The following MCC variants were observed in gnomAD, a reference collection of about 807,000 sequenced individuals.
MCC encodes colorectal mutant cancer protein.
MCC carries 90 observed loss-of-function variants against 116.2 expected under a neutral mutation model. The ratio of observed to expected loss-of-function variants is 0.77; its 90% CI spans 0.65 to 0.92. MCC has a LOEUF of 0.92. Among genes scored for constraint, MCC ranks in the 40% least tolerant of loss-of-function variants. The pLI, the probability that MCC is intolerant of heterozygous loss-of-function variation, is 0.00. For missense variants in MCC, 1,516 were observed against 1,312.2 expected, an observed-to-expected ratio of 1.16 and a Z score of -2.40; for synonymous variants, 578 against 510.5, an observed-to-expected ratio of 1.13 and a Z score of -1.78.
chr5:113,188,729 T>C (rs1172262112), intron 3 of MCC, among the ~76,000 whole-genome samples: 1 of 152,178 alleles, frequency 6.6e-6, no homozygotes, highest in Non-Finnish European at 1.5e-5. Flanking sequence ...TGTTGATTCT[T>C]CTCATCTTAC....
chr5:113,482,531 G>C (rs1159725707), intron 1 of MCC, among the ~76,000 whole-genome samples: 1 of 152,128 alleles, frequency 6.6e-6, no homozygotes, highest in South Asian at 2.1e-4. Context: ...ATCTTTTCGT[G>C]TGCATATTGG....
chr5:113,094,423 CTTT>C (rs397798890), intron 8 of MCC, among the ~76,000 whole-genome samples: 7 of 134,722 alleles, frequency 5.2e-5, no homozygotes, highest in African/African-American at 8.2e-5. Flanking sequence ...GGCAATCTTC[CTTT>C]TTTTTTTTTT....
At chr5:113,027,844 T>G (rs1343094686) in intron 18 of MCC, among the ~76,000 whole-genome samples, 1 of 152,220 alleles carries the variant, frequency 6.6e-6, no homozygotes, top group African/African-American at 2.4e-5. Context: ...TGCAACATAG[T>G]CAAGTGTATC....
At chr5:113,483,562 C>A (rs973454102) in intron 1 of MCC, among the ~76,000 whole-genome samples, 1 of 151,924 alleles carries the variant, frequency 6.6e-6, no homozygotes, top group Non-Finnish European at 1.5e-5. Flanking sequence ...AAATTTTCAA[C>A]AACAAGAGTA....
At chr5:113,422,463 T>C (rs897814177) in intron 1 of MCC, among the ~76,000 whole-genome samples, 5 of 152,258 alleles carry the variant, frequency 3.3e-5, no homozygotes, top group Non-Finnish European at 7.3e-5. Context: ...CTTTATGATT[T>C]AGTTTTTAAC....
intron 3 of MCC, among the ~76,000 whole-genome samples, chr5:113,245,827 C>G (rs1764553147): frequency 6.6e-6 from 1 of 152,160 alleles, no homozygotes; most frequent in African/African-American, 2.4e-5. Flanking sequence ...CCCATTCAAT[C>G]ACAGCAACTG....
intron 3 of MCC, among the ~76,000 whole-genome samples, chr5:113,217,477 T>C (rs144393321): frequency 7.3e-4 from 111 of 152,326 alleles, no homozygotes; most frequent in African/African-American, 2.6e-3. Context: ...CATACAAAAC[T>C]TCATCTTTCT....
intron 2 of MCC, among the ~76,000 whole-genome samples, chr5:113,344,635 GC>G (rs1325883305): frequency 6.6e-6 from 1 of 151,776 alleles, no homozygotes; most frequent in Non-Finnish European, 1.5e-5. Context: ...GAGTCATGAG[GC>G]CCCCCATTCT....
chr5:113,414,922 C>G (rs530776071), intron 1 of MCC, among the ~76,000 whole-genome samples: 52 of 152,176 alleles, frequency 3.4e-4, no homozygotes, highest in Admixed American at 1.2e-3. Flanking sequence ...TCCTTTCTTT[C>G]TTTAGTGCTT....
intron 14 of MCC, among the ~76,000 whole-genome samples, chr5:113,056,822 T>C (rs965934804): frequency 1.3e-5 from 2 of 152,144 alleles, no homozygotes; most frequent in African/African-American, 4.8e-5. Flanking sequence ...TCAAGAAATA[T>C]TGGAGTGCCT....
intron 11 of MCC, among the ~76,000 whole-genome samples, chr5:113,080,245 T>C (rs1039485009): frequency 2.0e-5 from 3 of 152,210 alleles, no homozygotes; most frequent in African/African-American, 7.2e-5. Flanking sequence ...GACAGTGTGG[T>C]GATTCCTCAA....
At chr5:113,352,446 T>G (rs1188856709) in intron 2 of MCC, among the ~76,000 whole-genome samples, 3 of 151,978 alleles carry the variant, frequency 2.0e-5, no homozygotes, top group Non-Finnish European at 4.4e-5. Flanking sequence ...TTCCCTCTCT[T>G]TCTCCTGTCT....
At chr5:113,266,410 T>C (rs1283151212) in intron 3 of MCC, among the ~76,000 whole-genome samples, 12 of 152,242 alleles carry the variant, frequency 7.9e-5, no homozygotes, top group African/African-American at 2.9e-4. Flanking sequence ...ACAGGGCTTC[T>C]TACACATACA....
intron 2 of MCC, among the ~76,000 whole-genome samples, chr5:113,369,022 A>T (rs1768771664): frequency 1.3e-5 from 2 of 152,246 alleles, no homozygotes; most frequent in Non-Finnish European, 2.9e-5. Context: ...TAAGGGAAAC[A>T]GATGAAGAGA....
At chr5:113,319,535 T>A (rs1767367232) in intron 3 of MCC, among the ~76,000 whole-genome samples, 3 of 152,224 alleles carry the variant, frequency 2.0e-5, no homozygotes, top group Non-Finnish European at 2.9e-5. Context: ...GGCTGAGCAT[T>A]TTCTGTGAGC....
In MCC at chr5:113,143,285, T is replaced by C; in HGVS notation, c.817A>G (p.Thr273Ala). The change falls in exon 5 of 19, where the codon ACA becomes GCA. Residue 273 changes from threonine to alanine, a missense_variant. Physicochemically the swap from Thr to Ala is moderately conservative, Grantham distance 58 (BLOSUM62 0). Transcript: ENST00000408903. ...TCCGCAATGACGCTGTGGAGCTCTG[T>C]GATGCGTTCCTCATAGCGAAGTGTC... is the stretch of plus-strand genomic sequence containing the variant. ...RTTLRYEERI[T>A]ELHSVIAELN... 1 of 1,613,866 alleles carries C rather than the reference T, an allele frequency of 6.2e-7. No homozygotes were observed. Among genetic ancestry groups the C allele is most frequent in the South Asian group, 1.1e-5 (1 of 91,042 alleles).
intron 4 of MCC, among the ~76,000 whole-genome samples, chr5:113,151,071 A>G (rs1267684039): frequency 6.6e-6 from 1 of 152,164 alleles, no homozygotes; most frequent in African/African-American, 2.4e-5. Flanking sequence ...AGCCATTCGG[A>G]AGGAATCCCT....
chr5:113,397,728 T>C (rs892277388), intron 1 of MCC, among the ~76,000 whole-genome samples: 4 of 152,110 alleles, frequency 2.6e-5, no homozygotes, highest in Non-Finnish European at 4.4e-5. Flanking sequence ...CCCACAGCTA[T>C]AAAAATCCTA....
chr5:113,395,549 T>A (rs1337686188), intron 1 of MCC, among the ~76,000 whole-genome samples: 1 of 152,322 alleles, frequency 6.6e-6, no homozygotes, highest in East Asian at 1.9e-4. Context: ...AATTGACTAT[T>A]CCCCTACCTG....
Sources: gnomAD v4.1 joint callset for allele counts (sites outside exome capture counted in the v4.1 genomes callset) on GRCh38, gnomAD v4.1.1 for gene constraint, MANE v1.5 for transcripts, NCBI Gene and HGNC (gene_info 2026-07-23, HGNC 2026-07-21) for gene names.